Variants in ABCB11 observed in about 807,000 individuals in gnomAD.
ABCB11 encodes the protein ATP binding cassette subfamily B member 11.
A neutral mutation model predicts 148.0 loss-of-function variants in ABCB11; 95 were observed. The ratio of observed to expected loss-of-function variants is 0.64; its 90% CI spans 0.54 to 0.76. The LOEUF is 0.76. ABCB11 is among the 30% of genes least tolerant of loss of function. The pLI is 0.00. For missense variants in ABCB11, 1,523 were observed against 1,617.8 expected (o/e 0.94, Z 1.01); for synonymous variants, 591 against 555.4 (o/e 1.06, Z -0.90).
At chr2:168,957,329 A>G (rs546221763) in intron 19 of ABCB11, among the ~76,000 whole-genome samples, 4 of 151,818 alleles carry the variant, frequency 2.6e-5, no homozygotes, top group Non-Finnish European at 5.9e-5. Flanking sequence ...ACTTAAATGA[A>G]CTATTGTACA....
intron 18 of ABCB11, among the ~76,000 whole-genome samples, chr2:168,963,149 G>T (rs1024336050): frequency 2.6e-5 from 4 of 151,748 alleles, no homozygotes; most frequent in Non-Finnish European, 5.9e-5. Flanking sequence ...GGATGTGCTT[G>T]TAATTTAAAA....
At chr2:168,947,165 G>T (rs952640844) in intron 19 of ABCB11, among the ~76,000 whole-genome samples, 2 of 151,738 alleles carry the variant, frequency 1.3e-5, no homozygotes, top group Non-Finnish European at 2.9e-5. Context: ...TGTCAAATGC[G>T]TAGATTAACC....
At chr2:169,016,756 A>G (rs771612355) in intron 3 of ABCB11, 22 bp downstream of exon 3, 10 of 1,591,222 alleles carry the variant, frequency 6.3e-6, no homozygotes, top group Middle Eastern at 1.7e-4. Flanking sequence ...AAGATGCTGC[A>G]TTGTTGAAAT....
chr2:168,944,920 G>C lies in ABCB11; in HGVS notation c.2385C>G (p.Ile795Met). The C allele has an allele frequency of 6.4e-7, 1 of 1,571,876 alleles. No individual in the cohort carries two copies. Among genetic ancestry groups the C allele is most frequent in the Non-Finnish European group, 8.6e-7 (1 of 1,156,896 alleles). Residue 795 changes from isoleucine (I) to methionine (M), a missense_variant, in exon 20 of 28, where the codon ATC becomes ATG. By Grantham distance (10) the Ile-to-Met change is conservative. Coordinates refer to ENST00000650372, the MANE Select transcript of ABCB11 (RefSeq NM_003742.4). ...CTACAAAAAGTAGGCACACACCATTGATCTGTGACCTTTGTTCCTCTTTAT... is the reference window on the plus strand; with the variant it reads ...CTACAAAAAGTAGGCACACACCATTCATCTGTGACCTTTGTTCCTCTTTAT... ...IPDKEEQRSQ[I>M]NGVCLLFVAM...
chr2:168,986,164 G>T lies in ABCB11; in HGVS notation c.1029C>A (p.Tyr343Ter). ...IFLCYALAFW[Y>*]GSTLVLDEGE... ...CTTCATCCAGGACAAGTGTGGAGCC[G>T]TACCAGAAGGCCAGTGCATAACACA... is the stretch of plus-strand genomic sequence containing the variant. Residue 343 changes from tyrosine to a stop codon, truncating the protein, a stop_gained, in exon 10 of 28, where the codon TAC (tyrosine) becomes TAA (stop). Transcript: ENST00000650372. LOFTEE classifies it high-confidence loss of function. 1.9e-6 allele frequency: 3 copies of T among 1,612,946 alleles called. No individual in the cohort carries two copies. Among genetic ancestry groups the T allele is most frequent in the Non-Finnish European group, 1.7e-6 (2 of 1,179,430 alleles).
intron 26 of ABCB11, among the ~76,000 whole-genome samples, chr2:168,925,021 T>G (rs1691241516): frequency 6.6e-6 from 1 of 152,074 alleles, no homozygotes; most frequent in Non-Finnish European, 1.5e-5. Context: ...CAAGGGGACA[T>G]TATTCCTCAT....
At chr2:169,027,300 C>A (rs1193620201) in intron 1 of ABCB11, among the ~76,000 whole-genome samples, 3 of 152,156 alleles carry the variant, frequency 2.0e-5, no homozygotes. Context: ...CTTTGGACAC[C>A]TAATCATAGA....
chr2:169,004,366 T>C (rs1189562567), intron 5 of ABCB11, among the ~76,000 whole-genome samples: 2 of 152,184 alleles, frequency 1.3e-5, no homozygotes, highest in Admixed American at 1.3e-4. Context: ...TTGTTCATTT[T>C]TTAAATTCTT....
intron 17 of ABCB11, among the ~76,000 whole-genome samples, chr2:168,967,611 A>G (rs867946451): frequency 1.3e-5 from 2 of 152,058 alleles, no homozygotes; most frequent in South Asian, 2.1e-4. Flanking sequence ...ACAGCCTTGC[A>G]TTAAATGTCC....
intron 14 of ABCB11, chr2:168,970,738 C>A: frequency 4.4e-6 from 1 of 225,836 alleles, no homozygotes; most frequent in Non-Finnish European, 8.9e-6. Context: ...AGACACTTAT[C>A]TTGCTTATTA....
intron 9 of ABCB11, 57 bp from the exon 10 acceptor site, chr2:168,986,341 T>G: frequency 6.9e-7 from 1 of 1,451,828 alleles, no homozygotes; most frequent in South Asian, 1.2e-5. Context: ...GTTATAATGT[T>G]TAAAACAGGC....
chr2:169,011,841 T>A (rs531591967), intron 5 of ABCB11, among the ~76,000 whole-genome samples: 8 of 152,162 alleles, frequency 5.3e-5, no homozygotes, highest in South Asian at 4.2e-4. Context: ...TTTAAAAAAA[T>A]TTTTGTAGAG....
At chr2:169,016,192 A>T (rs1242457229) in intron 3 of ABCB11, among the ~76,000 whole-genome samples, 1 of 152,126 alleles carries the variant, frequency 6.6e-6, no homozygotes, top group South Asian at 2.1e-4. Context: ...TCCCAGCCCA[A>T]AGCTAATCTT....
Position 169,013,569 on chromosome 2 carries a change from A to G in ABCB11, c.151-59T>C, listed in dbSNP as rs1259106666. 6 of 1,395,102 alleles carry G rather than the reference A, an allele frequency of 4.3e-6. No homozygotes were observed. The African/African-American group carries it at 7.2e-5, about 17-fold the overall frequency. The allele number at this position is 1,395,102 out of a possible 1,614,324, so 86.4% of individuals were successfully genotyped here. On this transcript the variant is annotated intron_variant, in intron 4 of 27. Coordinates refer to ENST00000650372, the MANE Select transcript of ABCB11 (RefSeq NM_003742.4). ...GGTGAAGAGCAGGAGAGGTAGGAGG[A>G]CTACTTAATTTAGTTACTAGATTCT...
chr2:169,012,562 A>G (rs1028574243), intron 5 of ABCB11, among the ~76,000 whole-genome samples: 2 of 151,966 alleles, frequency 1.3e-5, no homozygotes, highest in Non-Finnish European at 1.5e-5. Context: ...CAAAATGGTG[A>G]AACCCCATCT....
rs1178660941 is a variant in ABCB11 at position 168,932,648 on chromosome 2, T to C, written c.3057-115A>G. 5 of 1,280,050 alleles carry C rather than the reference T, an allele frequency of 3.9e-6. No homozygotes were observed. In the East Asian group the frequency reaches 1.0e-4, roughly 26 times the overall value. 79.3% of individuals were successfully genotyped at this position (1,280,050 alleles called of 1,614,324 possible). ...TCTGCCAGGAAAGGACCAAATATCC[T>C]TGAGCAAGTCACTTCAGACTTGTCT... On this transcript the variant is annotated intron_variant, in intron 23 of 27. Transcript: ENST00000650372.
rs529047800 is a variant in ABCB11, at chr2:168,977,282, T to C, written c.1198-595A>G. Among the ~76,000 whole-genome samples the C allele has an allele frequency of 1.3e-3, 194 of 152,142 alleles. 4 individuals carry two copies. Among genetic ancestry groups the C allele is most frequent in the Admixed American group, 4.0e-3 (61 of 15,264 alleles). On this transcript the variant is annotated intron_variant, in intron 11 of 27. Transcript: ENST00000650372. ...GACTGGTGATATGCCCATTTTCAGT[T>C]GAAGAAGTGGAGGAATTGCAGAAAG...
intron 1 of ABCB11, among the ~76,000 whole-genome samples, chr2:169,028,343 A>G (rs998616660): frequency 6.6e-5 from 10 of 152,052 alleles, no homozygotes; most frequent in Admixed American, 2.0e-4. Context: ...GGGGAAATAC[A>G]GGCATCTCCT....
chr2:168,950,001 G>T (rs1389921439), intron 19 of ABCB11, among the ~76,000 whole-genome samples: 4 of 151,222 alleles, frequency 2.6e-5, no homozygotes, highest in Non-Finnish European at 4.4e-5. Context: ...TCAGTTTTTA[G>T]ACTCAGACTG....
Sources: allele counts gnomAD v4.1 joint callset (sites outside exome capture counted in the v4.1 genomes callset), GRCh38; gene constraint gnomAD v4.1.1; transcripts MANE v1.5; gene names NCBI Gene and HGNC (gene_info 2026-07-23, HGNC 2026-07-21).